The following SIPA1L3 variants were observed in gnomAD, a reference collection of about 807,000 sequenced individuals.
The protein encoded by SIPA1L3 is signal induced proliferation associated 1 like 3.
In SIPA1L3, 59 loss-of-function variants were observed where a neutral mutation model predicts 150.1. That is an observed-to-expected ratio of 0.39 (90% CI 0.32 to 0.49). The LOEUF (loss-of-function observed/expected upper bound fraction) is 0.49. Among genes scored for constraint, SIPA1L3 ranks in the 20% least tolerant of loss-of-function variants. The pLI, the probability that SIPA1L3 is intolerant of heterozygous loss-of-function variation, is 0.86. For missense variants in SIPA1L3, 2,211 were observed against 2,489.5 expected (o/e 0.89, Z 2.38); for synonymous variants, 1,070 against 1,077.6 (o/e 0.99, Z 0.14).
chr19:37,942,502 G>A (rs561221483), intron 1 of SIPA1L3, among the ~76,000 whole-genome samples: 48 of 142,062 alleles, frequency 3.4e-4, no homozygotes, highest in Admixed American at 1.5e-3. Flanking sequence ...TGAGTTTGAC[G>A]TGTGAAGGAG....
rs764436601 is a variant in SIPA1L3, at chr19:38,182,634, C to A, written c.4324C>A (p.Pro1442Thr). The change falls in exon 16 of 22, where the codon CCC becomes ACC. Residue 1442 changes from proline (P) to threonine (T), a missense_variant. By Grantham distance (38) the Pro-to-Thr change is conservative. Around this residue, in one of 5 missense-constraint regions of SIPA1L3, gnomAD observed 806 missense variants for 870.1 expected, o/e 0.93. Transcript: ENST00000222345. ...PSPFQLSASVPKSFFSKQPVR... is the reference protein window; with the variant it reads ...PSPFQLSASVTKSFFSKQPVR... ...CCCCTTTCAGCTCTCCGCCTCCGTC[C>A]CCAAGTCCTTCTTCTCCAAGCAGCC... The A allele has an allele frequency of 5.6e-6, 9 of 1,614,208 alleles. 1 individual carries two copies. In the South Asian group the frequency reaches 9.9e-5, roughly 18 times the overall value.
intron 9 of SIPA1L3, among the ~76,000 whole-genome samples, chr19:38,123,853 G>A (rs1343856532): frequency 1.6e-5 from 2 of 122,428 alleles, no homozygotes; most frequent in East Asian, 2.2e-4. Context: ...GGGCAGAGGC[G>A]CCCCTCACCT....
chr19:37,956,850 G>A (rs559506692), intron 1 of SIPA1L3, among the ~76,000 whole-genome samples: 30 of 152,000 alleles, frequency 2.0e-4, no homozygotes, highest in Non-Finnish European at 4.0e-4. Flanking sequence ...TGTGCTTTTG[G>A]TATTATATTT....
At chr19:37,916,791 C>T (rs2046418392) in intron 1 of SIPA1L3, among the ~76,000 whole-genome samples, 4 of 152,116 alleles carry the variant, frequency 2.6e-5, no homozygotes, top group Admixed American at 2.0e-4. Flanking sequence ...GAAATCCCAT[C>T]TCTACTTAAA....
chr19:38,044,814 G>A (rs778503352), intron 2 of SIPA1L3, among the ~76,000 whole-genome samples: 1 of 152,098 alleles, frequency 6.6e-6, no homozygotes, highest in African/African-American at 2.4e-5. Context: ...TGATGGGGAA[G>A]GAGAATCAGA....
chr19:38,171,535 G>A (rs1450162618), intron 15 of SIPA1L3, among the ~76,000 whole-genome samples: 3 of 151,786 alleles, frequency 2.0e-5, no homozygotes, highest in African/African-American at 4.8e-5. Context: ...TGGGATTACA[G>A]GCACCTGCCA....
intron 1 of SIPA1L3, among the ~76,000 whole-genome samples, chr19:37,974,771 C>T (rs1330933773): frequency 6.6e-6 from 1 of 152,224 alleles, no homozygotes; most frequent in African/African-American, 2.4e-5. Flanking sequence ...ACATCCCCTT[C>T]CCCAACAGCA....
At chr19:38,159,818 G>A (rs1294905090) in intron 13 of SIPA1L3, among the ~76,000 whole-genome samples, 1 of 152,178 alleles carries the variant, frequency 6.6e-6, no homozygotes, top group Non-Finnish European at 1.5e-5. Flanking sequence ...CATAGCGCCT[G>A]ACACAGAACA....
chr19:37,978,551 G>A (rs1162698015), intron 1 of SIPA1L3, among the ~76,000 whole-genome samples: 1 of 152,134 alleles, frequency 6.6e-6, no homozygotes, highest in Admixed American at 6.5e-5. Flanking sequence ...AATTGAGGTG[G>A]GATTCTGGCC....
chr19:38,194,766 G>T (rs938907874), intron 18 of SIPA1L3, among the ~76,000 whole-genome samples: 1 of 152,010 alleles, frequency 6.6e-6, no homozygotes, highest in Non-Finnish European at 1.5e-5. Flanking sequence ...AAACTCCCCT[G>T]CAGGCCGGGC....
At chr19:38,036,207 CAG>C (rs1968781138) in intron 2 of SIPA1L3, among the ~76,000 whole-genome samples, 1 of 152,362 alleles carries the variant, frequency 6.6e-6, no homozygotes, top group East Asian at 1.9e-4. Flanking sequence ...TTAGACCTGA[CAG>C]TGTGATTTAT....
In SIPA1L3 at chr19:38,167,231, C is replaced by CAAAAAAAAA. The variant is rs370193698; in HGVS notation, c.4208+2334_4208+2342dup. Among the ~76,000 whole-genome samples, 32 of 87,528 alleles carry CAAAAAAAAA rather than the reference C, an allele frequency of 3.7e-4. 6 individuals carry two copies. The highest frequency in any genetic ancestry group is 1.3e-3 in the South Asian group (3 of 2,264). 57.4% of individuals were successfully genotyped at this position (87,528 alleles called of 152,430 possible). On this transcript the variant is annotated intron_variant, in intron 15 of 21. Coordinates refer to ENST00000222345, the MANE Select transcript of SIPA1L3 (RefSeq NM_015073.3). ...CTGGCAACAGAGCGAGATTCCATCTCAAAAAAAAAAAAAAAAAGGTGAAGC... is the reference window on the plus strand; with the variant it reads ...CTGGCAACAGAGCGAGATTCCATCTCAAAAAAAAAAAAAAAAAAAAAAAAAAGGTGAAGC...
intron 1 of SIPA1L3, among the ~76,000 whole-genome samples, chr19:38,003,697 G>A (rs1000262777): frequency 1.3e-5 from 2 of 152,172 alleles, no homozygotes; most frequent in African/African-American, 4.8e-5. Flanking sequence ...AGCTCGTTGT[G>A]GAACCTGCCA....
At chr19:38,099,470 C>G (rs975883556) in intron 4 of SIPA1L3, among the ~76,000 whole-genome samples, 2 of 151,868 alleles carry the variant, frequency 1.3e-5, no homozygotes, top group Non-Finnish European at 2.9e-5. Context: ...TACAGTGTTA[C>G]TGTAATAATG....
chr19:38,052,061 C>G (rs1969206679), intron 2 of SIPA1L3, among the ~76,000 whole-genome samples: 1 of 152,194 alleles, frequency 6.6e-6, no homozygotes, highest in Admixed American at 6.5e-5. Flanking sequence ...AAATCTCGAA[C>G]ATTGTATCAT....
At chr19:38,178,543 T>G (rs1972493940) in intron 15 of SIPA1L3, among the ~76,000 whole-genome samples, 2 of 152,274 alleles carry the variant, frequency 1.3e-5, no homozygotes, top group South Asian at 4.1e-4. Context: ...TGGTGCGATC[T>G]CGGCTCACTG....
At chr19:37,947,048 G>A (rs185028354) in intron 1 of SIPA1L3, among the ~76,000 whole-genome samples, 222 of 152,278 alleles carry the variant, frequency 1.5e-3, no homozygotes, top group African/African-American at 4.9e-3. Flanking sequence ...AAAAAATCTA[G>A]CTGGGTGTGG....
chr19:38,110,390 C>G lies in SIPA1L3; in HGVS notation c.2291+6C>G, dbSNP rs753570629. On this transcript the variant is annotated splice_donor_region_variant and intron_variant, in intron 8 of 21. Coordinates refer to ENST00000222345, the MANE Select transcript of SIPA1L3 (RefSeq NM_015073.3). The stretch of plus-strand genomic sequence containing the variant: ...ACTGATAACGTCTGTTACAGGTATG[C>G]CCCCCACACCCGGCCCCCAGCAGCG... 62 of 1,608,134 alleles carry G rather than the reference C, an allele frequency of 3.9e-5. 1 individual carries two copies. In the South Asian group the frequency reaches 6.8e-4, roughly 18 times the overall value.
chr19:38,200,107 CT>C (rs1973051448), intron 19 of SIPA1L3: 1 of 152,138 alleles, frequency 6.6e-6, no homozygotes, highest in Admixed American at 6.6e-5. Flanking sequence ...GAGTCTCACT[CT>C]TTCACCCAGG....
Sources: gnomAD v4.1 joint callset for allele counts (sites outside exome capture counted in the v4.1 genomes callset) on GRCh38, gnomAD v4.1.1 for gene constraint, gnomAD v4.1.1 regional missense constraint, MANE v1.5 for transcripts, NCBI Gene and HGNC (gene_info 2026-07-23, HGNC 2026-07-21) for gene names.